Variants in ATRNL1 observed in about 807,000 individuals in gnomAD.
ATRNL1 encodes attractin like 1.
Under a neutral mutation model 182.7 loss-of-function variants are expected in ATRNL1, and 95 were observed. The observed-to-expected ratio is 0.52, with a 90% CI of 0.44 to 0.62. The LOEUF (loss-of-function observed/expected upper bound fraction) is 0.62. Ranked by LOEUF, ATRNL1 falls within the 20% of genes least tolerant of loss-of-function variation. The probability of loss-of-function intolerance (pLI) is 0.00; values close to 1 mark genes in which losing one functional copy is unlikely to be tolerated. For synonymous variants in ATRNL1, 576 were observed against 568.3 expected, an observed-to-expected ratio of 1.01 and a Z score of -0.19; for missense variants, 1,471 against 1,679.5, an observed-to-expected ratio of 0.88 and a Z score of 2.17.
At chr10:115,593,167 T>TTTATAATGG (rs1856017399) in intron 26 of ATRNL1, among the ~76,000 whole-genome samples, 1 of 152,136 alleles carries the variant, frequency 6.6e-6, no homozygotes, top group Non-Finnish European at 1.5e-5. Context: ...GGGCTGAACT[T>TTTATAATGG]CCTTTTATAA....
intron 21 of ATRNL1, among the ~76,000 whole-genome samples, chr10:115,427,844 CG>C (rs1425393944): frequency 6.6e-6 from 1 of 150,976 alleles, no homozygotes; most frequent in African/African-American, 2.4e-5. Flanking sequence ...GTCCTGAAAT[CG>C]GTTAGTATTT....
intron 5 of ATRNL1, among the ~76,000 whole-genome samples, chr10:115,146,944 G>C (rs1375197289): frequency 6.6e-6 from 1 of 151,966 alleles, no homozygotes; most frequent in Non-Finnish European, 1.5e-5. Flanking sequence ...TGCAGGTGCA[G>C]GTATCTCTCT....
intron 20 of ATRNL1, among the ~76,000 whole-genome samples, chr10:115,417,732 C>T (rs1156864213): frequency 6.6e-6 from 1 of 152,108 alleles, no homozygotes; most frequent in Non-Finnish European, 1.5e-5. Context: ...GTTTCCTGGC[C>T]AGCTTTCCCA....
intron 19 of ATRNL1, among the ~76,000 whole-genome samples, chr10:115,375,378 T>C (rs1223043627): frequency 6.6e-6 from 1 of 152,000 alleles, no homozygotes; most frequent in Non-Finnish European, 1.5e-5. Flanking sequence ...AGTTTGTCTC[T>C]TATAGGGAGT....
At chr10:115,307,451 G>A (rs572635378) in intron 17 of ATRNL1, among the ~76,000 whole-genome samples, 14 of 152,080 alleles carry the variant, frequency 9.2e-5, no homozygotes, top group East Asian at 1.9e-4. Flanking sequence ...TAGTAGAGAC[G>A]GGGTTTCACC....
intron 27 of ATRNL1, among the ~76,000 whole-genome samples, chr10:115,829,510 CA>C (rs5788115): frequency 0.74 from 102,277 of 138,580 alleles, 36,570 homozygotes; most frequent in Admixed American, 0.81. Flanking sequence ...TTTTCTTTTT[CA>C]AAAAAAAAAA....
chr10:115,153,891 T>C (rs1846370487), intron 5 of ATRNL1, among the ~76,000 whole-genome samples: 1 of 152,062 alleles, frequency 6.6e-6, no homozygotes, highest in South Asian at 2.1e-4. Context: ...ATGCTTTGAA[T>C]GTGTCCCAGA....
chr10:115,332,908 A>G (rs1554935501), intron 18 of ATRNL1, among the ~76,000 whole-genome samples: 1 of 152,170 alleles, frequency 6.6e-6, no homozygotes, highest in Non-Finnish European at 1.5e-5. Flanking sequence ...TGCTTAACCC[A>G]GATTTCTCCA....
At position 115,105,070 on chromosome 10, in the gene ATRNL1, T is replaced by C. The variant is rs548777912; in HGVS notation, c.293+11027T>C. 2.0e-5 allele frequency among the ~76,000 whole-genome samples: 3 copies of C among 152,328 alleles called. No homozygotes were observed. In the East Asian group the frequency reaches 5.8e-4, roughly 29 times the overall value. ...TGGCTCTGCATATATTTTATGATTT[T>C]TTTTCTATTTTTGTGAAAAATGTCA... On this transcript the variant is annotated intron_variant, in intron 1 of 28. Transcript: ENST00000355044.
intron 10 of ATRNL1, among the ~76,000 whole-genome samples, chr10:115,255,307 T>G (rs1453390629): frequency 6.6e-6 from 1 of 152,196 alleles, no homozygotes; most frequent in Non-Finnish European, 1.5e-5. Flanking sequence ...CTCTTTTATT[T>G]CGTTGAGCTG....
intron 19 of ATRNL1, among the ~76,000 whole-genome samples, chr10:115,368,123 G>T (rs1276335113): frequency 6.6e-6 from 1 of 152,160 alleles, no homozygotes; most frequent in African/African-American, 2.4e-5. Flanking sequence ...CCTCCCCCAG[G>T]CTCGCTGCTG....
intron 24 of ATRNL1, among the ~76,000 whole-genome samples, chr10:115,503,039 A>G (rs181783325): frequency 1.1e-4 from 17 of 152,240 alleles, no homozygotes; most frequent in African/African-American, 3.6e-4. Flanking sequence ...GGGCCTGAAG[A>G]TAAGGCTGTA....
chr10:115,507,444 G>A (rs1850170409), intron 24 of ATRNL1, among the ~76,000 whole-genome samples: 1 of 151,984 alleles, frequency 6.6e-6, no homozygotes, highest in Admixed American at 6.6e-5. Flanking sequence ...ATATTATAAA[G>A]TCACATGAAG....
chr10:115,107,138 C>G (rs1258160266), intron 1 of ATRNL1, among the ~76,000 whole-genome samples: 1 of 152,204 alleles, frequency 6.6e-6, no homozygotes, highest in African/African-American at 2.4e-5. Context: ...CCAGAGCCTT[C>G]ACTCAGTCCA....
At chr10:115,429,355 C>A (rs1488872505) in intron 21 of ATRNL1, among the ~76,000 whole-genome samples, 2 of 151,988 alleles carry the variant, frequency 1.3e-5, no homozygotes, top group Non-Finnish European at 2.9e-5. Flanking sequence ...TGAAAATAAG[C>A]ACAATTTTCT....
intron 24 of ATRNL1, among the ~76,000 whole-genome samples, chr10:115,476,372 C>T (rs1848530596): frequency 6.6e-6 from 1 of 151,228 alleles, no homozygotes; most frequent in South Asian, 2.1e-4. Context: ...AAAGTGCCTT[C>T]TGCTCTTGTT....
intron 21 of ATRNL1, among the ~76,000 whole-genome samples, chr10:115,457,772 T>C (rs995781648): frequency 3.3e-5 from 5 of 152,002 alleles, no homozygotes; most frequent in Non-Finnish European, 7.4e-5. Flanking sequence ...TCAGTCTTTA[T>C]GTTTTTTTCA....
At chr10:115,257,135 T>A (rs1289942137) in intron 10 of ATRNL1, among the ~76,000 whole-genome samples, 1 of 152,206 alleles carries the variant, frequency 6.6e-6, no homozygotes, top group East Asian at 1.9e-4. Flanking sequence ...GTTCTGTAGA[T>A]GTCTTTTAGG....
At chr10:115,528,139 G>A in intron 25 of ATRNL1, among the ~76,000 whole-genome samples, 1 of 150,792 alleles carries the variant, frequency 6.6e-6, no homozygotes, top group East Asian at 1.9e-4. Context: ...GTAGTATGCT[G>A]GTCTCATAGA....
Sources: gnomAD v4.1 joint callset for allele counts (sites outside exome capture counted in the v4.1 genomes callset) on GRCh38, gnomAD v4.1.1 for gene constraint, MANE v1.5 for transcripts, NCBI Gene and HGNC (gene_info 2026-07-23, HGNC 2026-07-21) for gene names.